Variants in ZMPSTE24 observed in about 807,000 individuals in gnomAD.
ZMPSTE24 encodes the protein zinc metallopeptidase STE24.
A neutral mutation model predicts 56.7 loss-of-function variants in ZMPSTE24; 48 were observed. The observed-to-expected ratio is 0.85, with a 90% CI of 0.67 to 1.08. The LOEUF (loss-of-function observed/expected upper bound fraction) is 1.08, where lower values mean the gene tolerates loss of function less well. Ranked by LOEUF, ZMPSTE24 falls within the 50% of genes least tolerant of loss-of-function variation. The pLI is 0.00. For synonymous variants in ZMPSTE24, 172 were observed against 195.2 expected (o/e 0.88, Z 0.99); for missense variants, 503 against 548.7 (o/e 0.92, Z 0.83).
rs1188984103 is a variant in ZMPSTE24 at position 40,284,930 on chromosome 1, T to TTC, written c.955-994_955-993insCT. On this transcript the variant is annotated intron_variant, in intron 7 of 9. Coordinates refer to ENST00000372759, the MANE Select transcript of ZMPSTE24 (RefSeq NM_005857.5). The stretch of plus-strand genomic sequence containing the variant: ...TTCCAATGTCAAAACATCATCCCTT[T>TTC]TTTTTTTTTTTTTGAGATGGAGTCT... Among the ~76,000 whole-genome samples, 11 of 148,886 alleles carry TTC rather than the reference T, an allele frequency of 7.4e-5. 1 individual carries two copies. Among genetic ancestry groups the TTC allele is most frequent in the East Asian group, 3.9e-4 (2 of 5,130 alleles).
chr1:40,268,857 C>T (rs1252628379), intron 4 of ZMPSTE24, among the ~76,000 whole-genome samples: 1 of 151,378 alleles, frequency 6.6e-6, no homozygotes, highest in African/African-American at 2.4e-5. Flanking sequence ...GCGGGTGGAT[C>T]CCAAGGTCAG....
At position 40,281,174 on chromosome 1, in the gene ZMPSTE24, C is replaced by A. The variant is rs372237513; in HGVS notation, c.770-169C>A. On this transcript the variant is annotated intron_variant, in intron 6 of 9. Coordinates refer to ENST00000372759, the MANE Select transcript of ZMPSTE24 (RefSeq NM_005857.5). ...GATGAGCACATTTATTGGCAAAAAA[C>A]AGACACTCTCCACTGCTGGTGGTGA... Among the ~76,000 whole-genome samples the A allele has an allele frequency of 7.9e-5, 12 of 152,310 alleles. 1 individual carries two copies. The highest frequency in any genetic ancestry group is 3.9e-4 in the East Asian group (2 of 5,188).
At chr1:40,274,986 TAGG>T (rs975674302) in intron 6 of ZMPSTE24, among the ~76,000 whole-genome samples, 6 of 151,720 alleles carry the variant, frequency 4.0e-5, no homozygotes, top group Non-Finnish European at 5.9e-5. Context: ...TGGAAAAAAA[TAGG>T]AGAAGAGTAG....
chr1:40,286,181 A>G (rs1033983339), intron 8 of ZMPSTE24, 152 bp downstream of exon 8: 8 of 695,208 alleles, frequency 1.2e-5, no homozygotes, highest in Admixed American at 6.8e-5. Context: ...TACCTGTGTG[A>G]CCTCAGGCAA....
At position 40,258,410 on chromosome 1, in the gene ZMPSTE24, G is replaced by A; in HGVS notation, c.123+16G>A. ...ACAGCGGCAGGTGAGCCTAGACAGGGTCCAACCTGACCCCCATACCCGGCC... is the reference window on the plus strand; with the variant it reads ...ACAGCGGCAGGTGAGCCTAGACAGGATCCAACCTGACCCCCATACCCGGCC... On this transcript the variant is annotated intron_variant, in intron 1 of 9. Coordinates refer to ENST00000372759, the MANE Select transcript of ZMPSTE24 (RefSeq NM_005857.5). 4 of 1,613,876 alleles carry A rather than the reference G, an allele frequency of 2.5e-6. No individual in the cohort carries two copies. The highest frequency in any genetic ancestry group is 3.4e-6 in the Non-Finnish European group (4 of 1,179,998).
chr1:40,264,734 A>G (rs1443855352), intron 2 of ZMPSTE24, among the ~76,000 whole-genome samples: 1 of 151,514 alleles, frequency 6.6e-6, no homozygotes, highest in Non-Finnish European at 1.5e-5. Context: ...TAAAAAATCA[A>G]CTGAGTGTGG....
intron 8 of ZMPSTE24, among the ~76,000 whole-genome samples, chr1:40,287,846 C>G (rs1448708158): frequency 6.6e-6 from 1 of 151,886 alleles, no homozygotes. Context: ...GCATATGTGG[C>G]CTTAACTGAA....
chr1:40,278,666 A>G (rs930582860), intron 6 of ZMPSTE24, among the ~76,000 whole-genome samples: 9 of 152,144 alleles, frequency 5.9e-5, no homozygotes, highest in African/African-American at 2.2e-4. Context: ...TAAAGCTTAA[A>G]GAAATTAAGA....
intron 7 of ZMPSTE24, among the ~76,000 whole-genome samples, chr1:40,285,273 A>G (rs924535575): frequency 2.0e-5 from 3 of 151,810 alleles, no homozygotes; most frequent in Non-Finnish European, 2.9e-5. Context: ...TACCCTGCTA[A>G]TTTTTTGTAT....
chr1:40,259,264 TAAC>T (rs1643471281), intron 1 of ZMPSTE24: 2 of 152,304 alleles, frequency 1.3e-5, no homozygotes, highest in South Asian at 4.1e-4. Context: ...AAGTGAAAGT[TAAC>T]AATTTACCTG....
chr1:40,293,424 T>C lies in ZMPSTE24; in HGVS notation c.*755T>C, dbSNP rs1643862517. ...TAGATATGATCCCATTGGAGGTAAA[T>C]TGTAGCTTCTTCTCATTCATGCAGT... On this transcript the variant is annotated 3_prime_UTR_variant, in exon 10 of 10. Transcript: ENST00000372759. The C allele has an allele frequency of 6.6e-6, 1 of 152,200 alleles. No homozygotes were observed. The highest frequency in any genetic ancestry group is 6.5e-5 in the Admixed American group (1 of 15,274). 9.4% of individuals were successfully genotyped at this position (152,200 alleles called of 1,614,324 possible).
At chr1:40,261,912 T>C (rs1178988233) in intron 2 of ZMPSTE24, among the ~76,000 whole-genome samples, 1 of 152,202 alleles carries the variant, frequency 6.6e-6, no homozygotes, top group African/African-American at 2.4e-5. Context: ...GGTTTCACCA[T>C]GTTAGCCAGG....
At chr1:40,274,806 G>T (rs2284447) in intron 6 of ZMPSTE24, among the ~76,000 whole-genome samples, 9,373 of 152,186 alleles carry the variant, frequency 0.062, 344 homozygotes, top group East Asian at 0.17. Context: ...GCTTAGACTA[G>T]GATAATAGTA....
rs752705838 is a variant in ZMPSTE24, at chr1:40,267,754, CAACTGTGATCAAAGTATGCTTT to C, written c.271-31_271-10del. 6.8e-7 allele frequency: 1 copy of C among 1,468,356 alleles called. No homozygotes were observed. The highest frequency in any genetic ancestry group is 1.1e-5 in the South Asian group (1 of 87,882). 91.0% of individuals were successfully genotyped at this position (1,468,356 alleles called of 1,614,324 possible). On this transcript the variant is annotated splice_polypyrimidine_tract_variant and intron_variant, in intron 2 of 9. Coordinates refer to ENST00000372759, the MANE Select transcript of ZMPSTE24 (RefSeq NM_005857.5). Reference sequence around the variant, plus strand: ...TCATATGATAGTTTCTAGTACTGTTCAACTGTGATCAAAGTATGCTTTGTTTTATAGCTTATTCTTCTCTTTG... The same window carrying C: ...TCATATGATAGTTTCTAGTACTGTTCGTTTTATAGCTTATTCTTCTCTTTG...
At chr1:40,281,809 A>G (rs1022955259) in intron 7 of ZMPSTE24, among the ~76,000 whole-genome samples, 18 of 150,414 alleles carry the variant, frequency 1.2e-4, no homozygotes, top group East Asian at 9.6e-4. Flanking sequence ...ACTTGTGTGT[A>G]TATATATATA....
In ZMPSTE24 at chr1:40,280,868, A is replaced by G. The variant is rs150257033; in HGVS notation, c.770-475A>G. ...CATAACCATATTTATTTAAGAATGT[A>G]TTCCAATATCAAACAGCAAATTTCA... On this transcript the variant is annotated intron_variant, in intron 6 of 9. Coordinates refer to ENST00000372759, the MANE Select transcript of ZMPSTE24 (RefSeq NM_005857.5). 1.2e-4 allele frequency among the ~76,000 whole-genome samples: 19 copies of G among 152,378 alleles called. No individual in the cohort carries two copies. The East Asian group carries it at 3.7e-3, about 29-fold the overall frequency.
chr1:40,266,703 AT>A, intron 2 of ZMPSTE24, among the ~76,000 whole-genome samples: 1 of 150,960 alleles, frequency 6.6e-6, no homozygotes, highest in Non-Finnish European at 1.5e-5. Flanking sequence ...TTATGGAGCC[AT>A]ATTAATGTGG....
At chr1:40,283,902 A>T in intron 7 of ZMPSTE24, among the ~76,000 whole-genome samples, 1 of 144,954 alleles carries the variant, frequency 6.9e-6, no homozygotes, top group African/African-American at 2.5e-5. Context: ...GAATTCCCTC[A>T]TCATCTTCCA....
chr1:40,265,274 C>A (rs1643537745), intron 2 of ZMPSTE24, among the ~76,000 whole-genome samples: 3 of 152,026 alleles, frequency 2.0e-5, no homozygotes. Flanking sequence ...AAATACCATC[C>A]CAGGTCAATT....
Sources: gnomAD v4.1 joint callset for allele counts (sites outside exome capture counted in the v4.1 genomes callset) on GRCh38, gnomAD v4.1.1 for gene constraint, MANE v1.5 for transcripts, NCBI Gene and HGNC (gene_info 2026-07-23, HGNC 2026-07-21) for gene names.